ITCH: variants seen among roughly 807,000 people sequenced by gnomAD.
ITCH encodes the protein itchy E3 ubiquitin protein ligase, also known as E3 ubiquitin-protein ligase Itchy homolog.
ITCH carries 28 observed loss-of-function variants against 126.8 expected under a neutral mutation model. The observed-to-expected ratio is 0.22, with a 90% CI of 0.16 to 0.30. ITCH has a LOEUF of 0.30. ITCH is among the 10% of genes least tolerant of loss of function. The pLI, the probability that ITCH is intolerant of heterozygous loss-of-function variation, is 1.00. For missense variants in ITCH, 631 were observed against 1,032.4 expected (o/e 0.61, Z 5.33); for synonymous variants, 342 against 340.0 (o/e 1.01, Z -0.06).
Position 34,462,231 on chromosome 20 carries a change from C to G in ITCH, c.1424+10C>G. The G allele has an allele frequency of 1.2e-6, 2 of 1,612,850 alleles. No individual in the cohort carries two copies. The highest frequency in any genetic ancestry group is 1.7e-6 in the Non-Finnish European group (2 of 1,179,122). On this transcript the variant is annotated intron_variant, in intron 14 of 24. Coordinates refer to ENST00000374864, the MANE Select transcript of ITCH (RefSeq NM_031483.7). ...CAGGAAAATCTGCCCTGTAAGTTTTCTAAACATTGTAGATTAAGAGTAAAA... is the reference window on the plus strand; with the variant it reads ...CAGGAAAATCTGCCCTGTAAGTTTTGTAAACATTGTAGATTAAGAGTAAAA...
At chr20:34,398,607 C>T (rs1356641411) in intron 3 of ITCH, among the ~76,000 whole-genome samples, 1 of 152,144 alleles carries the variant, frequency 6.6e-6, no homozygotes, top group Non-Finnish European at 1.5e-5. Flanking sequence ...CCATGTTGGT[C>T]AGGCTGGTCT....
chr20:34,376,789 A>G (rs2037862754), intron 2 of ITCH, among the ~76,000 whole-genome samples: 2 of 152,148 alleles, frequency 1.3e-5, no homozygotes, highest in Non-Finnish European at 1.5e-5. Flanking sequence ...TGTAGTATTT[A>G]CTATGGTTGG....
intron 2 of ITCH, among the ~76,000 whole-genome samples, chr20:34,380,009 G>T (rs1443337834): frequency 6.7e-6 from 1 of 149,188 alleles, no homozygotes; most frequent in Non-Finnish European, 1.5e-5. Context: ...CAATTCTCCT[G>T]CCTCAGTCTC....
intron 3 of ITCH, among the ~76,000 whole-genome samples, chr20:34,401,147 T>G (rs949927239): frequency 1.3e-5 from 2 of 152,192 alleles, no homozygotes; most frequent in African/African-American, 4.8e-5. Context: ...TTTCTTCTTA[T>G]CATTTAGCCA....
intron 20 of ITCH, among the ~76,000 whole-genome samples, chr20:34,486,401 C>T (rs1989118390): frequency 6.6e-6 from 1 of 151,048 alleles, no homozygotes; most frequent in Non-Finnish European, 1.5e-5. Flanking sequence ...TCTTGGCTCA[C>T]TGCAACTTCC....
chr20:34,446,663 T>G (rs1001586517), intron 11 of ITCH, among the ~76,000 whole-genome samples: 1 of 152,246 alleles, frequency 6.6e-6, no homozygotes, highest in Admixed American at 6.5e-5. Context: ...TACATCTTCC[T>G]TCCTTTCTAA....
intron 2 of ITCH, among the ~76,000 whole-genome samples, chr20:34,370,890 TG>T (rs1449547903): frequency 2.0e-5 from 3 of 151,926 alleles, no homozygotes; most frequent in Non-Finnish European, 4.4e-5. Context: ...AAGCTGAGGC[TG>T]GGCGCGGTGG....
intron 6 of ITCH, among the ~76,000 whole-genome samples, chr20:34,415,530 C>T (rs1290202899): frequency 3.9e-5 from 6 of 152,008 alleles, no homozygotes; most frequent in African/African-American, 1.5e-4. Context: ...GCACTTCCAG[C>T]CTGGGTGACA....
intron 7 of ITCH, among the ~76,000 whole-genome samples, chr20:34,437,115 T>G (rs1983107147): frequency 6.6e-6 from 1 of 151,636 alleles, no homozygotes; most frequent in Non-Finnish European, 1.5e-5. Context: ...GGCGATGGAA[T>G]GAGACGCTGT....
chr20:34,435,623 T>C (rs1417443889), intron 7 of ITCH, among the ~76,000 whole-genome samples: 1 of 152,246 alleles, frequency 6.6e-6, no homozygotes, highest in Non-Finnish European at 1.5e-5. Context: ...TTACTTAGTT[T>C]ATTTACTCCA....
At chr20:34,401,685 C>A in intron 3 of ITCH, 1 of 931,092 alleles carries the variant, frequency 1.1e-6, no homozygotes, top group Non-Finnish European at 1.3e-6. Context: ...TCCTCCTCAC[C>A]TTAAGGGCCA....
intron 4 of ITCH, among the ~76,000 whole-genome samples, chr20:34,409,779 A>G (rs1466154845): frequency 6.6e-6 from 1 of 152,200 alleles, no homozygotes. Context: ...GATATAGCTC[A>G]GTTTTAACAC....
Position 34,364,890 on chromosome 20 carries a change from CA to C in ITCH, c.-99+1562del, listed in dbSNP as rs1234445956. Among the ~76,000 whole-genome samples the C allele has an allele frequency of 2.1e-3, 88 of 42,518 alleles. 1 individual carries two copies. The Middle Eastern group carries it at 0.057, about 28-fold the overall frequency. The allele number at this position is 42,518 out of a possible 152,430, so 27.9% of individuals were successfully genotyped here. A position where few individuals can be genotyped will look rare whatever the true frequency, so the allele number is the denominator to read the frequency against. On this transcript the variant is annotated intron_variant, in intron 1 of 24. Coordinates refer to ENST00000374864, the MANE Select transcript of ITCH (RefSeq NM_031483.7). ...TGGGCGACAGAGCGAGACTCCGCCT[CA>C]AAAAAAAAAAAAAAAAAAAAGCAAT...
At chr20:34,379,892 C>T (rs1183524594) in intron 2 of ITCH, among the ~76,000 whole-genome samples, 15 of 128,152 alleles carry the variant, frequency 1.2e-4, no homozygotes, top group Non-Finnish European at 1.9e-4. Flanking sequence ...CCACTGCACC[C>T]GGCCCCCCCC....
chr20:34,476,159 A>G lies in ITCH; in HGVS notation c.1570-1613A>G, dbSNP rs775312024. On this transcript the variant is annotated intron_variant, in intron 16 of 24. Coordinates refer to ENST00000374864, the MANE Select transcript of ITCH (RefSeq NM_031483.7). ...GTTAAACAAGCCAGAGTTCCCTCACATGCACCAAAGCCATCAATATCTGGA... is the reference window on the plus strand; with the variant it reads ...GTTAAACAAGCCAGAGTTCCCTCACGTGCACCAAAGCCATCAATATCTGGA... 64 of 808,316 alleles carry G rather than the reference A, an allele frequency of 7.9e-5. No homozygotes were observed. The Middle Eastern group carries it at 1.0e-3, about 13-fold the overall frequency. 50.1% of individuals were successfully genotyped at this position (808,316 alleles called of 1,614,324 possible).
Position 34,451,276 on chromosome 20 carries a change from C to T in ITCH, c.1210+1796C>T, listed in dbSNP as rs1362882282. Among the ~76,000 whole-genome samples, 9 of 145,630 alleles carry T rather than the reference C, an allele frequency of 6.2e-5. No homozygotes were observed. In the South Asian group the frequency reaches 1.1e-3, roughly 17 times the overall value. ...TTGCACTCCAGCATAGGCGACAGAG[C>T]GAGACTCCGTCTCAAAAAAAAAAAA... On this transcript the variant is annotated intron_variant, in intron 12 of 24. Coordinates refer to ENST00000374864, the MANE Select transcript of ITCH (RefSeq NM_031483.7).
intron 14 of ITCH, among the ~76,000 whole-genome samples, chr20:34,466,919 A>G (rs966987087): frequency 2.0e-5 from 3 of 152,206 alleles, no homozygotes; most frequent in African/African-American, 7.2e-5. Context: ...AGTAAGTACA[A>G]GAAAGGAAAT....
chr20:34,381,958 A>C (rs1464274072), intron 2 of ITCH, among the ~76,000 whole-genome samples: 1 of 152,216 alleles, frequency 6.6e-6, no homozygotes, highest in Admixed American at 6.5e-5. Flanking sequence ...CATATCTACA[A>C]AAATCTTTGC....
At chr20:34,480,427 C>T (rs1988632924) in intron 18 of ITCH, among the ~76,000 whole-genome samples, 172 bp from the exon 19 acceptor site, 1 of 152,068 alleles carries the variant, frequency 6.6e-6, no homozygotes, top group African/African-American at 2.4e-5. Context: ...GTCTCGAACT[C>T]CTGACCTCAG....
Sources: allele counts gnomAD v4.1 joint callset (sites outside exome capture counted in the v4.1 genomes callset), GRCh38; gene constraint gnomAD v4.1.1; transcripts MANE v1.5; gene names NCBI Gene and HGNC (gene_info 2026-07-23, HGNC 2026-07-21).